The following TNNT1 variants were observed in gnomAD, a reference collection of about 807,000 sequenced individuals.
TNNT1 encodes the protein troponin T1, slow skeletal type.
Under a neutral mutation model 50.6 loss-of-function variants are expected in TNNT1, and 53 were observed. That is an observed-to-expected ratio of 1.05 (90% CI 0.84 to 1.32). The LOEUF (loss-of-function observed/expected upper bound fraction) is 1.32, where lower values mean the gene tolerates loss of function less well. Among genes scored for constraint, TNNT1 ranks in the 40% most tolerant of loss-of-function variants. TNNT1 has a pLI of 0.00. For synonymous variants in TNNT1, 142 were observed against 138.0 expected (o/e 1.03, Z -0.20); for missense variants, 348 against 381.7 (o/e 0.91, Z 0.74).
intron 6 of TNNT1, among the ~76,000 whole-genome samples, chr19:55,145,136 GAA>G (rs71181741): frequency 0.23 from 29,619 of 130,378 alleles, 3,249 homozygotes; most frequent in South Asian, 0.38. Flanking sequence ...TCTACAAAAA[GAA>G]AAAAAAAAAA....
chr19:55,132,712 G>T lies in TNNT1; in HGVS notation c.*203C>A. On this transcript the variant is annotated 3_prime_UTR_variant, in exon 14 of 14. Transcript: ENST00000588981. ...CCAGCAGTGTGTGAAGGTTCAGCCT[G>T]CCGTACTTTAATGATTATTGGTGAC... The T allele has an allele frequency of 1.6e-6, 1 of 620,018 alleles. No homozygotes were observed. The highest frequency in any genetic ancestry group is 2.9e-6 in the Non-Finnish European group (1 of 346,982). The allele number at this position is 620,018 out of a possible 1,614,324, so 38.4% of individuals were successfully genotyped here. A position where few individuals can be genotyped will look rare whatever the true frequency, so the allele number is the denominator to read the frequency against.
Position 55,141,776 on chromosome 19 carries a change from G to C in TNNT1, c.192+81C>G, listed in dbSNP as rs567055737. The C allele has an allele frequency of 5.8e-6, 9 of 1,552,326 alleles. No individual in the cohort carries two copies. In the East Asian group the frequency reaches 9.0e-5, roughly 16 times the overall value. On this transcript the variant is annotated intron_variant, in intron 7 of 13. Coordinates refer to ENST00000588981, the MANE Select transcript of TNNT1 (RefSeq NM_003283.6). ...ATTACAGGCATGAGGCCCCGCGCCC[G>C]GCCGGCGCCTTTTCATGATTGACAC...
chr19:55,136,241 G>A (rs2085344300), intron 11 of TNNT1, among the ~76,000 whole-genome samples: 1 of 152,086 alleles, frequency 6.6e-6, no homozygotes, highest in African/African-American at 2.4e-5. Flanking sequence ...CCCTCCACAG[G>A]AAGCTGCTGC....
Position 55,141,922 on chromosome 19 carries a change from T to C in TNNT1, c.129-2A>G, listed in dbSNP as rs1231469230. On this transcript the variant is annotated splice_acceptor_variant, in intron 6 of 13. Coordinates refer to ENST00000588981, the MANE Select transcript of TNNT1 (RefSeq NM_003283.6). LOFTEE classifies it high-confidence loss of function. Reference sequence around the variant, plus strand: ...ATCAAAGGAGGCACCACGGGGCGGCTGAGTGGACAGAAACACAGAGACCAT... The same window carrying C: ...ATCAAAGGAGGCACCACGGGGCGGCCGAGTGGACAGAAACACAGAGACCAT... 6.2e-7 allele frequency: 1 copy of C among 1,613,892 alleles called. No homozygotes were observed. The highest frequency in any genetic ancestry group is 1.7e-5 in the Admixed American group (1 of 60,000).
intron 9 of TNNT1, 25 bp downstream of exon 9, chr19:55,140,858 C>T: frequency 6.2e-7 from 1 of 1,606,044 alleles, no homozygotes; most frequent in Non-Finnish European, 8.5e-7. Flanking sequence ...AACATTTGGG[C>T]TCTCAGGGCA....
chr19:55,137,078 A>ACC, intron 11 of TNNT1, 25 bp downstream of exon 11: 1 of 1,210,048 alleles, frequency 8.3e-7, no homozygotes, highest in Non-Finnish European at 1.2e-6. Context: ...AGGCCCCTAC[A>ACC]CCCCGAGCCC....
Position 55,146,467 on chromosome 19 carries a change from C to T in TNNT1, c.74-1G>A. 9.5e-7 allele frequency: 1 copy of T among 1,053,736 alleles called. No homozygotes were observed. Among genetic ancestry groups the T allele is most frequent in the Non-Finnish European group, 1.2e-6 (1 of 865,688 alleles). 65.3% of individuals were successfully genotyped at this position (1,053,736 alleles called of 1,614,324 possible). A position where few individuals can be genotyped will look rare whatever the true frequency, so the allele number is the denominator to read the frequency against. ...GCCACCGGCTCCGGCTCTTCGGGGG[C>T]TGGGGAGGGGAGGGAGGAGCAGCGA... On this transcript the variant is annotated splice_acceptor_variant, in intron 4 of 13. Transcript: ENST00000588981. LOFTEE classifies it high-confidence loss of function.
intron 6 of TNNT1, among the ~76,000 whole-genome samples, chr19:55,142,438 T>TGA (rs1453428247): frequency 1.3e-5 from 2 of 152,000 alleles, no homozygotes; most frequent in African/African-American, 2.4e-5. Flanking sequence ...TGTTTTATAC[T>TGA]GATTACATGT....
At chr19:55,133,622 G>A (rs1599868939) in intron 13 of TNNT1, 2 of 544,000 alleles carry the variant, frequency 3.7e-6, no homozygotes, top group East Asian at 6.3e-5. Context: ...AAGTTGCAGT[G>A]AGCTGAGATC....
chr19:55,142,122 G>A, intron 6 of TNNT1: 1 of 573,992 alleles, frequency 1.7e-6, no homozygotes. Flanking sequence ...GGTTGTTGTT[G>A]GTTTTGTTTT....
chr19:55,133,514 C>A, intron 13 of TNNT1: 1 of 346,436 alleles, frequency 2.9e-6, no homozygotes, highest in South Asian at 2.7e-5. Flanking sequence ...CCCGTCTCTA[C>A]TAAAAATACA....
chr19:55,139,001 C>G (rs189254300), intron 9 of TNNT1, among the ~76,000 whole-genome samples: 91 of 152,182 alleles, frequency 6.0e-4, no homozygotes, highest in Middle Eastern at 6.8e-3. Context: ...AATTAGTTTC[C>G]TTTCTGTTTT....
At chr19:55,143,669 T>C (rs1349582359) in intron 6 of TNNT1, among the ~76,000 whole-genome samples, 1 of 152,120 alleles carries the variant, frequency 6.6e-6, no homozygotes, top group Non-Finnish European at 1.5e-5. Flanking sequence ...CCCACCCCTC[T>C]GGCTGTTCCA....
intron 1 of TNNT1, among the ~76,000 whole-genome samples, chr19:55,147,752 C>T (rs1472752267): frequency 6.8e-5 from 3 of 44,332 alleles, no homozygotes; most frequent in Non-Finnish European, 9.6e-5. Flanking sequence ...GGAGGGGCCG[C>T]GGGCCTGGAC....
At position 55,141,854 on chromosome 19, in the gene TNNT1, T is replaced by C; in HGVS notation, c.192+3A>G. 1 of 1,613,918 alleles carries C rather than the reference T, an allele frequency of 6.2e-7. No homozygotes were observed. The highest frequency in any genetic ancestry group is 1.3e-5 in the African/African-American group (1 of 75,016). ...GCCTGCGGAGGGGTCTCTTGTCACT[T>C]ACATCGAAGTCAACGCGCTCCCCTT... is the stretch of plus-strand genomic sequence containing the variant. On this transcript the variant is annotated splice_donor_region_variant and intron_variant, in intron 7 of 13. Transcript: ENST00000588981.
chr19:55,135,874 C>T (rs903305358), intron 11 of TNNT1, among the ~76,000 whole-genome samples: 6 of 152,258 alleles, frequency 3.9e-5, no homozygotes, highest in African/African-American at 1.4e-4. Context: ...CCCACAGCGC[C>T]CCCCAGAGGG....
At chr19:55,142,004 G>A in intron 6 of TNNT1, 84 bp from the exon 7 acceptor site, 2 of 1,402,320 alleles carry the variant, frequency 1.4e-6, no homozygotes, top group Non-Finnish European at 2.0e-6. Flanking sequence ...GTCCAGTGAG[G>A]TAGCCGCCAG....
Position 55,138,804 on chromosome 19 carries a change from G to A in TNNT1, c.388-730C>T, listed in dbSNP as rs897715116. Among the ~76,000 whole-genome samples the A allele has an allele frequency of 5.9e-5, 9 of 152,300 alleles. 1 individual carries two copies. The highest frequency in any genetic ancestry group is 5.9e-4 in the Admixed American group (9 of 15,286). ...GGAAGTAACTGGTGATAAGACCAGGGACTGGGGAGATTAAAGAGGCTGATG... is the reference window on the plus strand; with the variant it reads ...GGAAGTAACTGGTGATAAGACCAGGAACTGGGGAGATTAAAGAGGCTGATG... On this transcript the variant is annotated intron_variant, in intron 9 of 13. Coordinates refer to ENST00000588981, the MANE Select transcript of TNNT1 (RefSeq NM_003283.6).
At chr19:55,147,770 T>C (rs2085605799) in intron 1 of TNNT1, among the ~76,000 whole-genome samples, 1 of 138,144 alleles carries the variant, frequency 7.2e-6, no homozygotes, top group South Asian at 2.4e-4. Context: ...GACGCCTGGG[T>C]CTGAGGGAGG....
Sources: allele counts gnomAD v4.1 joint callset (sites outside exome capture counted in the v4.1 genomes callset), GRCh38; gene constraint gnomAD v4.1.1; transcripts MANE v1.5; gene names NCBI Gene and HGNC (gene_info 2026-07-23, HGNC 2026-07-21).